Variants in WDR33 observed in about 807,000 individuals in gnomAD.
The protein encoded by WDR33 is pre-mRNA 3' end processing protein WDR33.
WDR33 carries 47 observed loss-of-function variants against 164.9 expected under a neutral mutation model. The ratio of observed to expected loss-of-function variants is 0.29; its 90% CI spans 0.23 to 0.36. WDR33 has a LOEUF of 0.36. Among genes scored for constraint, WDR33 ranks in the 10% least tolerant of loss-of-function variants. WDR33 has a pLI of 1.00. For missense variants in WDR33, 1,137 were observed against 1,754.1 expected (o/e 0.65, Z 6.28); for synonymous variants, 505 against 589.0 (o/e 0.86, Z 2.06).
chr2:127,725,308 C>T, intron 8 of WDR33, 93 bp from the exon 9 acceptor site: 1 of 1,311,544 alleles, frequency 7.6e-7, no homozygotes, highest in Non-Finnish European at 1.0e-6. Flanking sequence ...ATCAAGATGG[C>T]AAGAGGTTTG....
chr2:127,787,460 G>T lies in WDR33; in HGVS notation c.-23-16456C>A, dbSNP rs1482132427. Among the ~76,000 whole-genome samples, 4 of 136,582 alleles carry T rather than the reference G, an allele frequency of 2.9e-5. 1 individual carries two copies. The highest frequency in any genetic ancestry group is 1.2e-4 in the African/African-American group (4 of 32,700). 89.6% of individuals were successfully genotyped at this position (136,582 alleles called of 152,430 possible). A position where few individuals can be genotyped will look rare whatever the true frequency, so the allele number is the denominator to read the frequency against. On this transcript the variant is annotated intron_variant, in intron 1 of 21. Coordinates refer to ENST00000322313, the MANE Select transcript of WDR33 (RefSeq NM_018383.5). ...CGGGCAGAGGCGCCCCTCACCTCCC[G>T]GACGGGGCAGCTGGCCGGGCGGGGG... is the stretch of plus-strand genomic sequence containing the variant.
chr2:127,797,996 G>A (rs544029638), intron 1 of WDR33, among the ~76,000 whole-genome samples: 14 of 152,138 alleles, frequency 9.2e-5, no homozygotes, highest in African/African-American at 2.7e-4. Context: ...CCTGGTGACA[G>A]AGTGAGACCC....
Position 127,742,493 on chromosome 2 carries a change from C to A in WDR33, c.725-15716G>T, listed in dbSNP as rs191949469. 1.8e-4 allele frequency among the ~76,000 whole-genome samples: 27 copies of A among 147,298 alleles called. No individual in the cohort carries two copies. In the East Asian group the frequency reaches 5.4e-3, roughly 29 times the overall value. ...AGTGAGCCATGATTGCACCGCTGCA[C>A]TCCAGCCCAGGAGACAGAGACCCTG... On this transcript the variant is annotated intron_variant, in intron 7 of 21. Coordinates refer to ENST00000322313, the MANE Select transcript of WDR33 (RefSeq NM_018383.5).
At chr2:127,742,132 G>A (rs557516760) in intron 7 of WDR33, among the ~76,000 whole-genome samples, 1 of 152,190 alleles carries the variant, frequency 6.6e-6, no homozygotes, top group African/African-American at 2.4e-5. Context: ...AACCCAGGAT[G>A]AACTTGGGAG....
At chr2:127,782,481 G>A (rs1018922569) in intron 1 of WDR33, among the ~76,000 whole-genome samples, 4 of 152,068 alleles carry the variant, frequency 2.6e-5, no homozygotes, top group African/African-American at 9.7e-5. Flanking sequence ...TAGCTTTCTA[G>A]CGTTCAGGTA....
At position 127,708,772 on chromosome 2, in the gene WDR33, G is replaced by C; in HGVS notation, c.3686C>G (p.Pro1229Arg). The change falls in exon 21 of 22, where the codon CCT (proline) becomes CGT (arginine). Residue 1229 changes from proline to arginine, a missense_variant. This residue lies in a region of WDR33 where 867 missense variants were observed against 1,073.0 expected (regional missense o/e 0.81). Transcript: ENST00000322313. The surrounding 1 kb of genome is among the most constrained non-coding windows in gnomAD (Gnocchi z 6.7). ...ATCATGCCAGGGGCGCTTTCGGGGAGGTAGGGATGCCATGTCCATGCCTTG... is the reference window on the plus strand; with the variant it reads ...ATCATGCCAGGGGCGCTTTCGGGGACGTAGGGATGCCATGTCCATGCCTTG... ...SLQGMDMASL[P>R]PRKRPWHDGP... The C allele has an allele frequency of 6.2e-7, 1 of 1,613,936 alleles. No homozygotes were observed. The highest frequency in any genetic ancestry group is 8.5e-7 in the Non-Finnish European group (1 of 1,179,924).
At position 127,713,321 on chromosome 2, in the gene WDR33, G is replaced by A. The variant is rs928881125; in HGVS notation, c.3308+262C>T. Among the ~76,000 whole-genome samples, 4 of 152,140 alleles carry A rather than the reference G, an allele frequency of 2.6e-5. No homozygotes were observed. Among genetic ancestry groups the A allele is most frequent in the African/African-American group, 9.7e-5 (4 of 41,426 alleles). ...ATCCCAGCAAGTCTTGTAGTACACT[G>A]ATCCTCCCATCTCTTTAGAAAGGAC... is the stretch of plus-strand genomic sequence containing the variant. On this transcript the variant is annotated intron_variant, in intron 18 of 21. Transcript: ENST00000322313. The surrounding 1 kb of genome is among the most constrained non-coding windows in gnomAD (Gnocchi z 6.2).
intron 7 of WDR33, chr2:127,737,819 C>A (rs755906926): frequency 7.4e-7 from 1 of 1,354,946 alleles, no homozygotes; most frequent in African/African-American, 1.5e-5. Flanking sequence ...GGATACACTT[C>A]TTTTTAATTG....
At chr2:127,761,559 T>G (rs2105431029) in intron 7 of WDR33, among the ~76,000 whole-genome samples, 2 of 152,354 alleles carry the variant, frequency 1.3e-5, no homozygotes, top group East Asian at 3.9e-4. Context: ...TCCAGGATTT[T>G]AAAAACTTAG....
In WDR33 at chr2:127,718,470, AT is replaced by A. The variant is rs60951153; in HGVS notation, c.2760+794del. Among the ~76,000 whole-genome samples the A allele has an allele frequency of 0.014, 2,185 of 152,254 alleles. 25 individuals carry two copies. The highest frequency in any genetic ancestry group is 0.085 in the Middle Eastern group (25 of 294). The stretch of plus-strand genomic sequence containing the variant: ...TAGCTGAGCAGTATTACATCTATTT[AT>A]GCTCATGCAATTCTTTTCGTAATTC... On this transcript the variant is annotated intron_variant, in intron 16 of 21. Coordinates refer to ENST00000322313, the MANE Select transcript of WDR33 (RefSeq NM_018383.5). This position sits in a 1 kb window ranked among gnomAD's most constrained non-coding sequence, Gnocchi z 4.4.
Position 127,703,283 on chromosome 2 carries a change from G to C in WDR33, c.*3040C>G, listed in dbSNP as rs957246706. 6.0e-6 allele frequency: 1 copy of C among 167,040 alleles called. No individual in the cohort carries two copies. Among genetic ancestry groups the C allele is most frequent in the Admixed American group, 6.5e-5 (1 of 15,278 alleles). The allele number at this position is 167,040 out of a possible 1,614,324, so 10.3% of individuals were successfully genotyped here. A position where few individuals can be genotyped will look rare whatever the true frequency, so the allele number is the denominator to read the frequency against. On this transcript the variant is annotated 3_prime_UTR_variant, in exon 22 of 22. Transcript: ENST00000322313. ...CAATGCAGTCAGAACCTGGGAAGTA[G>C]GTCCCAGACATCAGGACCTTTTTAA...
Position 127,770,012 on chromosome 2 carries a change from T to C in WDR33, c.204+766A>G, listed in dbSNP as rs944793318. 1.3e-5 allele frequency among the ~76,000 whole-genome samples: 2 copies of C among 152,202 alleles called. No individual in the cohort carries two copies. The highest frequency in any genetic ancestry group is 2.9e-5 in the Non-Finnish European group (2 of 68,036). On this transcript the variant is annotated intron_variant, in intron 2 of 21. Coordinates refer to ENST00000322313, the MANE Select transcript of WDR33 (RefSeq NM_018383.5). This position sits in a 1 kb window ranked among gnomAD's most constrained non-coding sequence, Gnocchi z 4.9. ...TCAATCCTCAAGAACGTAAAGCCCT[T>C]TTCCTGACTCTAAGAAATACCTACC...
intron 1 of WDR33, among the ~76,000 whole-genome samples, chr2:127,778,888 T>C (rs1688280963): frequency 6.6e-6 from 1 of 152,210 alleles, no homozygotes; most frequent in African/African-American, 2.4e-5. Context: ...TTTACCATAA[T>C]AGATCTCCAA....
At position 127,765,137 on chromosome 2, in the gene WDR33, C is replaced by A. The variant is rs748946050; in HGVS notation, c.474+37G>T. The A allele has an allele frequency of 2.5e-6, 4 of 1,592,338 alleles. No individual in the cohort carries two copies. The Admixed American group carries it at 6.7e-5, about 27-fold the overall frequency. On this transcript the variant is annotated intron_variant, in intron 5 of 21. Transcript: ENST00000322313. Reference sequence around the variant, plus strand: ...ACTATATCTCAAGTTCTTTACAGTACCACAGGATGATGATACCATCTGGTG... The same window carrying A: ...ACTATATCTCAAGTTCTTTACAGTAACACAGGATGATGATACCATCTGGTG...
rs1462952873 is a variant in WDR33 at position 127,706,981 on chromosome 2, C to A, written c.3782-429G>T. Among the ~76,000 whole-genome samples, 1 of 152,184 alleles carries A rather than the reference C, an allele frequency of 6.6e-6. No individual in the cohort carries two copies. Among genetic ancestry groups the A allele is most frequent in the Non-Finnish European group, 1.5e-5 (1 of 68,024 alleles). ...ACTGCTAATGTTAATAAAAAGTGCT[C>A]CAACTAGGACAAGCGTTCACTGGGA... On this transcript the variant is annotated intron_variant, in intron 21 of 21. Transcript: ENST00000322313. This position sits in a 1 kb window ranked among gnomAD's most constrained non-coding sequence, Gnocchi z 5.1.
rs930975590 is a variant in WDR33, at chr2:127,712,573, A to G, written c.3308+1010T>C. Among the ~76,000 whole-genome samples the G allele has an allele frequency of 6.6e-6, 1 of 152,250 alleles. No individual in the cohort carries two copies. Among genetic ancestry groups the G allele is most frequent in the African/African-American group, 2.4e-5 (1 of 41,472 alleles). On this transcript the variant is annotated intron_variant, in intron 18 of 21. Transcript: ENST00000322313. The surrounding 1 kb of genome is among the most constrained non-coding windows in gnomAD (Gnocchi z 4.0). ...CTGCTCTTATTCTGTCTGAATCAGC[A>G]TAAGATGCTGACAGTCGCACCTATC...
intron 1 of WDR33, among the ~76,000 whole-genome samples, chr2:127,805,566 C>T (rs978253159): frequency 3.3e-5 from 5 of 151,972 alleles, no homozygotes; most frequent in African/African-American, 1.2e-4. Flanking sequence ...AAAGATGAGG[C>T]TAGCTGTTTG....
chr2:127,793,343 A>G (rs748899101), intron 1 of WDR33, among the ~76,000 whole-genome samples: 4 of 152,108 alleles, frequency 2.6e-5, no homozygotes, highest in Admixed American at 6.6e-5. Flanking sequence ...AGGCAGGAGA[A>G]TCGCTTCAAC....
intron 7 of WDR33, chr2:127,762,826 A>G: frequency 7.6e-7 from 1 of 1,317,952 alleles, no homozygotes; most frequent in Non-Finnish European, 9.7e-7. Context: ...AGTAAGGGGG[A>G]GGCACTCTTG....
Sources: gnomAD v4.1 joint callset for allele counts (sites outside exome capture counted in the v4.1 genomes callset) on GRCh38, gnomAD v4.1.1 for gene constraint, gnomAD v4.1.1 regional missense constraint, Gnocchi (gnomAD v3.1) non-coding constraint, MANE v1.5 for transcripts, NCBI Gene and HGNC (gene_info 2026-07-23, HGNC 2026-07-21) for gene names.